Variants in SPPL2A observed in about 807,000 individuals in gnomAD.
The protein encoded by SPPL2A is signal peptide peptidase-like 2A.
SPPL2A carries 51 observed loss-of-function variants against 63.8 expected under a neutral mutation model. The observed-to-expected ratio is 0.80, with a 90% CI of 0.64 to 1.01. The LOEUF is 1.01. Among genes scored for constraint, SPPL2A ranks in the 50% least tolerant of loss-of-function variants. The probability of loss-of-function intolerance (pLI) is 0.00; values close to 1 mark genes in which losing one functional copy is unlikely to be tolerated. For missense variants in SPPL2A, 553 were observed against 622.7 expected (o/e 0.89, Z 1.19); for synonymous variants, 188 against 205.8 (o/e 0.91, Z 0.74).
At chr15:50,758,339 T>C (rs1326656882) in intron 1 of SPPL2A, among the ~76,000 whole-genome samples, 1 of 151,286 alleles carries the variant, frequency 6.6e-6, no homozygotes, top group Non-Finnish European at 1.5e-5. Context: ...TAATGTTGCC[T>C]ATTCCTTTGA....
At chr15:50,765,443 C>A (rs1038412670) in intron 1 of SPPL2A, 25 bp downstream of exon 1, 18 of 1,495,858 alleles carry the variant, frequency 1.2e-5, no homozygotes, top group Non-Finnish European at 1.5e-5. Flanking sequence ...CCCTGGGAGG[C>A]CTGCGCGCCT....
chr15:50,763,790 C>G (rs1281077581), intron 1 of SPPL2A, among the ~76,000 whole-genome samples: 1 of 152,038 alleles, frequency 6.6e-6, no homozygotes, highest in Non-Finnish European at 1.5e-5. Context: ...CCCAGCTACT[C>G]GGGAGGCTGA....
intron 1 of SPPL2A, among the ~76,000 whole-genome samples, chr15:50,751,001 G>A (rs1323637157): frequency 1.3e-5 from 2 of 152,194 alleles, no homozygotes; most frequent in Non-Finnish European, 2.9e-5. Flanking sequence ...AGTTTCTAAT[G>A]AGTATAGAAA....
At chr15:50,717,925 T>C (rs920743434) in intron 14 of SPPL2A, among the ~76,000 whole-genome samples, 6 of 152,068 alleles carry the variant, frequency 3.9e-5, no homozygotes, top group Admixed American at 1.3e-4. Flanking sequence ...CACACTTTAT[T>C]GTTAGTGACT....
Position 50,703,737 on chromosome 15 carries a change from C to G in SPPL2A, c.*4063G>C, listed in dbSNP as rs1403249096. Reference sequence around the variant, plus strand: ...ATAAATGCTTGAGGGAATGGATACCCCATTCTCCATGATCCGCTTATTTCA... The same window carrying G: ...ATAAATGCTTGAGGGAATGGATACCGCATTCTCCATGATCCGCTTATTTCA... On this transcript the variant is annotated 3_prime_UTR_variant, in exon 15 of 15. Coordinates refer to ENST00000261854, the MANE Select transcript of SPPL2A (RefSeq NM_032802.4). The G allele has an allele frequency of 6.6e-6, 1 of 151,972 alleles. No homozygotes were observed. Among genetic ancestry groups the G allele is most frequent in the Non-Finnish European group, 1.5e-5 (1 of 68,014 alleles). 9.4% of individuals were successfully genotyped at this position (151,972 alleles called of 1,614,324 possible).
intron 14 of SPPL2A, among the ~76,000 whole-genome samples, chr15:50,713,334 G>C (rs1318336390): frequency 1.3e-5 from 2 of 148,354 alleles, no homozygotes; most frequent in African/African-American, 2.5e-5. Context: ...GCACAATCTC[G>C]ACTCACTGCA....
At chr15:50,714,649 T>A (rs866758611) in intron 14 of SPPL2A, among the ~76,000 whole-genome samples, 1,310 of 102,180 alleles carry the variant, frequency 0.013, 27 homozygotes, top group African/African-American at 0.033. Flanking sequence ...AAAAAAAAAA[T>A]TTTTTTTCTT....
intron 10 of SPPL2A, among the ~76,000 whole-genome samples, chr15:50,728,075 G>T (rs542209355): frequency 1.1e-4 from 16 of 152,326 alleles, no homozygotes; most frequent in African/African-American, 3.8e-4. Context: ...CAAACAGTTT[G>T]CTGGGGCAGA....
At chr15:50,708,189 T>C (rs1460133045) in intron 14 of SPPL2A, among the ~76,000 whole-genome samples, 1 of 152,188 alleles carries the variant, frequency 6.6e-6, no homozygotes, top group African/African-American at 2.4e-5. Flanking sequence ...AAGATATTCC[T>C]GACACTTATT....
intron 6 of SPPL2A, among the ~76,000 whole-genome samples, chr15:50,737,739 C>T (rs565490866): frequency 6.6e-6 from 1 of 152,246 alleles, no homozygotes; most frequent in Admixed American, 6.5e-5. Flanking sequence ...AGGCGAGAGC[C>T]ACCGCATCTG....
chr15:50,726,647 C>T (rs1424596257), intron 10 of SPPL2A, among the ~76,000 whole-genome samples: 1 of 152,180 alleles, frequency 6.6e-6, no homozygotes, highest in Non-Finnish European at 1.5e-5. Flanking sequence ...AGTGAACCCT[C>T]AGTTCTGATT....
intron 9 of SPPL2A, among the ~76,000 whole-genome samples, chr15:50,731,323 G>A (rs571821433): frequency 3.1e-4 from 47 of 152,176 alleles, no homozygotes; most frequent in South Asian, 8.3e-4. Flanking sequence ...GAGGCGGGGC[G>A]GATCACGAGG....
At chr15:50,711,137 A>G (rs188849929) in intron 14 of SPPL2A, among the ~76,000 whole-genome samples, 72 of 152,166 alleles carry the variant, frequency 4.7e-4, no homozygotes, top group African/African-American at 1.7e-3. Flanking sequence ...AAATGTTCAT[A>G]GGAAATACAG....
chr15:50,733,327 C>T (rs1207738203), intron 8 of SPPL2A, among the ~76,000 whole-genome samples: 3 of 152,200 alleles, frequency 2.0e-5, no homozygotes, highest in South Asian at 4.2e-4. Context: ...TCCTTTCAGT[C>T]CTCAATAATT....
intron 5 of SPPL2A, among the ~76,000 whole-genome samples, chr15:50,741,261 C>G (rs140744299): frequency 9.4e-4 from 143 of 151,758 alleles, no homozygotes; most frequent in African/African-American, 3.3e-3. Flanking sequence ...CCCTCCTGGG[C>G]AAATCCTGGC....
In SPPL2A at chr15:50,706,389, CAAAAAAAAAAAAAA is replaced by C. The variant is rs71127124; in HGVS notation, c.*1397_*1410del. ...TGGGCGACAGAGCGAGACTCCGTCT[CAAAAAAAAAAAAAA>C]AAAAAAAAAGAAAACTGAGATACAA... On this transcript the variant is annotated 3_prime_UTR_variant, in exon 15 of 15. Coordinates refer to ENST00000261854, the MANE Select transcript of SPPL2A (RefSeq NM_032802.4). 3 of 45,032 alleles carry C rather than the reference CAAAAAAAAAAAAAA, an allele frequency of 6.7e-5. No homozygotes were observed. The highest frequency in any genetic ancestry group is 2.4e-4 in the Admixed American group (1 of 4,124). 2.8% of individuals were successfully genotyped at this position (45,032 alleles called of 1,614,324 possible).
intron 1 of SPPL2A, among the ~76,000 whole-genome samples, chr15:50,753,797 CT>C (rs1218669852): frequency 1.3e-5 from 2 of 151,796 alleles, no homozygotes; most frequent in African/African-American, 4.8e-5. Flanking sequence ...TTCTTTCTCT[CT>C]TTTTTTCTTT....
chr15:50,754,912 G>A (rs1460724667), intron 1 of SPPL2A, among the ~76,000 whole-genome samples: 1 of 151,426 alleles, frequency 6.6e-6, no homozygotes, highest in East Asian at 1.9e-4. Context: ...AACCCAGGAG[G>A]CAGAGGTTGC....
At chr15:50,716,474 C>T (rs962414799) in intron 14 of SPPL2A, among the ~76,000 whole-genome samples, 13 of 152,030 alleles carry the variant, frequency 8.6e-5, no homozygotes, top group Admixed American at 2.6e-4. Context: ...GGATTACAGG[C>T]GTGAGCCACT....
Sources: allele counts gnomAD v4.1 joint callset (sites outside exome capture counted in the v4.1 genomes callset), GRCh38; gene constraint gnomAD v4.1.1; transcripts MANE v1.5; gene names NCBI Gene and HGNC (gene_info 2026-07-23, HGNC 2026-07-21).